The following MGAT5 variants were observed in gnomAD, a reference collection of about 807,000 sequenced individuals.
The protein encoded by MGAT5 is alpha-1,6-mannosylglycoprotein 6-beta-N-acetylglucosaminyltransferase A.
Under a neutral mutation model 94.3 loss-of-function variants are expected in MGAT5, and 30 were observed. The ratio of observed to expected loss-of-function variants is 0.32; its 90% CI spans 0.24 to 0.43. The LOEUF (loss-of-function observed/expected upper bound fraction) is 0.43, where lower values mean the gene tolerates loss of function less well. MGAT5 is among the 20% of genes least tolerant of loss of function. The pLI is 1.00. For missense variants in MGAT5, 691 were observed against 905.5 expected, an observed-to-expected ratio of 0.76 and a Z score of 3.04; for synonymous variants, 310 against 322.9, an observed-to-expected ratio of 0.96 and a Z score of 0.43.
At chr2:134,248,888 G>C (rs1682431395) in intron 1 of MGAT5, among the ~76,000 whole-genome samples, 1 of 152,114 alleles carries the variant, frequency 6.6e-6, no homozygotes, top group African/African-American at 2.4e-5. Flanking sequence ...TGCTTCATTG[G>C]TCTCGTTCTC....
chr2:134,170,565 A>G (rs1351782804), intron 1 of MGAT5, among the ~76,000 whole-genome samples: 1 of 152,218 alleles, frequency 6.6e-6, no homozygotes, highest in Non-Finnish European at 1.5e-5. Flanking sequence ...AAAAATAATG[A>G]AACTCTTCCA....
chr2:134,337,447 G>A (rs895022530), intron 5 of MGAT5, among the ~76,000 whole-genome samples: 1 of 152,210 alleles, frequency 6.6e-6, no homozygotes, highest in East Asian at 1.9e-4. Context: ...CTGCATTCCA[G>A]TCTGGGTGGG....
At chr2:134,400,929 A>T (rs1487872753) in intron 10 of MGAT5, among the ~76,000 whole-genome samples, 1 of 152,172 alleles carries the variant, frequency 6.6e-6, no homozygotes, top group East Asian at 1.9e-4. Flanking sequence ...TGTGTTTATT[A>T]TAAGGATCCA....
rs185876876 is a variant in MGAT5 at position 134,337,577 on chromosome 2, A to G, written c.646-682A>G. On this transcript the variant is annotated intron_variant, in intron 5 of 15. Coordinates refer to ENST00000281923, the MANE Select transcript of MGAT5 (RefSeq NM_002410.5). ...GTTTGAGATGTTCTATGAAATAAAT[A>G]CTGGTTATTATGTTTCTCTATTATT... is the stretch of plus-strand genomic sequence containing the variant. 2.4e-3 allele frequency among the ~76,000 whole-genome samples: 370 copies of G among 152,290 alleles called. 2 individuals carry two copies. The highest frequency in any genetic ancestry group is 8.4e-3 in the African/African-American group (350 of 41,582).
exon 1 of MGAT5, chr2:134,120,220 C>A (rs1182462182): frequency 5.8e-6 from 2 of 347,038 alleles, no homozygotes; most frequent in South Asian, 2.7e-4. Context: ...GGCGTCGCGA[C>A]CTCGCGCCTC....
At chr2:134,402,687 G>T (rs1475110751) in intron 10 of MGAT5, among the ~76,000 whole-genome samples, 2 of 152,200 alleles carry the variant, frequency 1.3e-5, no homozygotes, top group African/African-American at 4.8e-5. Context: ...TTTCAAAACA[G>T]TTGGCTATAT....
intron 12 of MGAT5, among the ~76,000 whole-genome samples, chr2:134,419,416 C>T (rs1043766164): frequency 9.8e-5 from 14 of 143,264 alleles, no homozygotes; most frequent in Non-Finnish European, 1.7e-4. Flanking sequence ...TTTTTTAAGC[C>T]ATTAGAAATA....
intron 15 of MGAT5, among the ~76,000 whole-genome samples, chr2:134,448,115 T>A (rs1685894801): frequency 2.0e-5 from 3 of 152,236 alleles, no homozygotes; most frequent in Admixed American, 2.0e-4. Flanking sequence ...ATGCTGAGCT[T>A]TGCCCCACTC....
upstream of MGAT5, among the ~76,000 whole-genome samples, chr2:134,251,276 A>G (rs1204895558): frequency 6.6e-6 from 1 of 151,346 alleles, no homozygotes; most frequent in Non-Finnish European, 1.5e-5. Context: ...TGTAATTCTG[A>G]TGGGGTGGAA....
intron 1 of MGAT5, among the ~76,000 whole-genome samples, chr2:134,232,587 C>T (rs1025290896): frequency 1.3e-5 from 2 of 152,154 alleles, no homozygotes; most frequent in Non-Finnish European, 2.9e-5. Flanking sequence ...AAGAGACCCA[C>T]GGACCCATCC....
rs754110234 is a variant in MGAT5 at position 134,270,503 on chromosome 2, C to T, written c.359C>T (p.Thr120Ile). 6.2e-7 allele frequency: 1 copy of T among 1,614,214 alleles called. No individual in the cohort carries two copies. The highest frequency in any genetic ancestry group is 8.5e-7 in the Non-Finnish European group (1 of 1,180,026). ...NGTGTNSTNSTTAVPSLVALE... is the reference protein window; with the variant it reads ...NGTGTNSTNSITAVPSLVALE... ...ACCGGAACAAACTCAACCAACTCCA[C>T]TACAGCTGTTCCCAGCTTGGTTGCA... is the stretch of plus-strand genomic sequence containing the variant. Residue 120 changes from threonine (T) to isoleucine (I), a missense_variant, in exon 2 of 16, where the codon ACT (threonine) becomes ATT (isoleucine). By Grantham distance (89) the Thr-to-Ile change is moderately conservative. This residue lies in a region of MGAT5 where 307 missense variants were observed against 335.4 expected (regional missense o/e 0.92). Coordinates refer to ENST00000281923, the MANE Select transcript of MGAT5 (RefSeq NM_002410.5).
At chr2:134,408,881 C>G (rs1374329736) in intron 11 of MGAT5, among the ~76,000 whole-genome samples, 1 of 152,180 alleles carries the variant, frequency 6.6e-6, no homozygotes, top group Non-Finnish European at 1.5e-5. Flanking sequence ...GATTCCCAGT[C>G]ATTGTATAAA....
intron 2 of MGAT5, among the ~76,000 whole-genome samples, chr2:134,301,921 C>A (rs16830372): frequency 0.23 from 34,530 of 151,992 alleles, 4,471 homozygotes; most frequent in Middle Eastern, 0.39. Flanking sequence ...TGAAAGAGAC[C>A]TGGGGGATGC....
chr2:134,145,685 C>T (rs571393280), intron 1 of MGAT5, among the ~76,000 whole-genome samples: 2 of 152,354 alleles, frequency 1.3e-5, no homozygotes, highest in African/African-American at 4.8e-5. Flanking sequence ...TCTGACTCTG[C>T]TCTTTATAGC....
chr2:134,137,274 G>A (rs150891037), intron 1 of MGAT5, among the ~76,000 whole-genome samples: 230 of 152,330 alleles, frequency 1.5e-3, no homozygotes, highest in Non-Finnish European at 2.8e-3. Context: ...GGACAGAGGG[G>A]CATCCCCTAG....
chr2:134,167,821 G>T (rs1688028595), intron 1 of MGAT5, among the ~76,000 whole-genome samples: 1 of 152,132 alleles, frequency 6.6e-6, no homozygotes, highest in African/African-American at 2.4e-5. Context: ...ATAAGCTTTG[G>T]CTACAACTAT....
intron 11 of MGAT5, among the ~76,000 whole-genome samples, chr2:134,406,266 G>A (rs917747325): frequency 5.9e-5 from 9 of 152,092 alleles, no homozygotes; most frequent in African/African-American, 2.2e-4. Flanking sequence ...GACCAGTACC[G>A]TCCTTTCTAC....
intron 1 of MGAT5, among the ~76,000 whole-genome samples, chr2:134,125,100 T>A (rs1232296413): frequency 6.6e-6 from 1 of 152,104 alleles, no homozygotes; most frequent in Non-Finnish European, 1.5e-5. Flanking sequence ...TATGTCTTGG[T>A]GGAGAAACAT....
rs373584360 is a variant in MGAT5 at position 134,454,378 on chromosome 2, C to G, written c.*5531C>G. On this transcript the variant is annotated 3_prime_UTR_variant, in exon 16 of 16. Transcript: ENST00000281923. ...AAAGGAGATGGTGACGTCCCTTCCA[C>G]TGTAGTTGCTGTCACAACCTTGACG... is the stretch of plus-strand genomic sequence containing the variant. 1 of 152,238 alleles carries G rather than the reference C, an allele frequency of 6.6e-6. No individual in the cohort carries two copies. The highest frequency in any genetic ancestry group is 2.4e-5 in the African/African-American group (1 of 41,456). The allele number at this position is 152,238 out of a possible 1,614,324, so 9.4% of individuals were successfully genotyped here.
Sources: allele counts gnomAD v4.1 joint callset (sites outside exome capture counted in the v4.1 genomes callset), GRCh38; gene constraint gnomAD v4.1.1; regional missense constraint gnomAD v4.1.1; transcripts MANE v1.5; gene names NCBI Gene and HGNC (gene_info 2026-07-23, HGNC 2026-07-21).